Variants in SEMA3E observed in about 807,000 individuals in gnomAD.
SEMA3E encodes semaphorin-3E.
A neutral mutation model predicts 93.6 loss-of-function variants in SEMA3E; 49 were observed. The observed-to-expected ratio is 0.52, with a 90% CI of 0.42 to 0.66. The LOEUF is 0.66. Ranked by LOEUF, SEMA3E falls within the 30% of genes least tolerant of loss-of-function variation. The pLI, the probability that SEMA3E is intolerant of heterozygous loss-of-function variation, is 0.00. For synonymous variants in SEMA3E, 363 were observed against 330.7 expected, an observed-to-expected ratio of 1.10 and a Z score of -1.06; for missense variants, 906 against 964.8, an observed-to-expected ratio of 0.94 and a Z score of 0.81.
At chr7:83,458,390 A>G (rs1005981493) in intron 4 of SEMA3E, among the ~76,000 whole-genome samples, 7 of 151,986 alleles carry the variant, frequency 4.6e-5, no homozygotes, top group African/African-American at 1.7e-4. Flanking sequence ...CTGGAGATCA[A>G]TTAAGAATAG....
chr7:83,643,863 C>A (rs1311396475), intron 1 of SEMA3E, among the ~76,000 whole-genome samples: 7 of 151,968 alleles, frequency 4.6e-5, no homozygotes, highest in Non-Finnish European at 1.0e-4. Context: ...CCTATTTAAT[C>A]ACTCTGCTTA....
chr7:83,595,213 A>G (rs141465083), intron 1 of SEMA3E, among the ~76,000 whole-genome samples: 1 of 152,210 alleles, frequency 6.6e-6, no homozygotes, highest in East Asian at 1.9e-4. Context: ...AAATTGGTTT[A>G]TCTATTACTT....
intron 1 of SEMA3E, among the ~76,000 whole-genome samples, chr7:83,545,150 T>C (rs1281980096): frequency 6.6e-6 from 1 of 152,124 alleles, no homozygotes; most frequent in Non-Finnish European, 1.5e-5. Flanking sequence ...GATGTGATTT[T>C]ATTGTGCATT....
chr7:83,369,052 A>G (rs1471058401), intron 16 of SEMA3E, among the ~76,000 whole-genome samples: 1 of 152,158 alleles, frequency 6.6e-6, no homozygotes, highest in Non-Finnish European at 1.5e-5. Context: ...AGCTACCTCT[A>G]CCTTTCTACT....
At chr7:83,629,814 C>A (rs1419870165) in intron 1 of SEMA3E, among the ~76,000 whole-genome samples, 1 of 152,110 alleles carries the variant, frequency 6.6e-6, no homozygotes, top group Non-Finnish European at 1.5e-5. Flanking sequence ...GCCTCACTGG[C>A]GTTCCAGGCA....
intron 4 of SEMA3E, among the ~76,000 whole-genome samples, chr7:83,450,439 C>T (rs190651501): frequency 8.9e-4 from 135 of 151,938 alleles, no homozygotes; most frequent in Admixed American, 2.7e-3. Context: ...AACACATGAA[C>T]GAAAACTACA....
Position 83,415,338 on chromosome 7 carries a change from C to G in SEMA3E, c.550+3052G>C, listed in dbSNP as rs577329909. Among the ~76,000 whole-genome samples, 64 of 152,066 alleles carry G rather than the reference C, an allele frequency of 4.2e-4. 1 individual carries two copies. Among genetic ancestry groups the G allele is most frequent in the Admixed American group, 8.5e-4 (13 of 15,254 alleles). On this transcript the variant is annotated intron_variant, in intron 5 of 16. Coordinates refer to ENST00000643230, the MANE Select transcript of SEMA3E (RefSeq NM_012431.3). ...GGCCAAACATGCAGAAATATGGCAC[C>G]TGAGATATGAGCTGATATGCTACCA...
chr7:83,559,155 C>T (rs1166412828), intron 1 of SEMA3E, among the ~76,000 whole-genome samples: 1 of 152,034 alleles, frequency 6.6e-6, no homozygotes, highest in Non-Finnish European at 1.5e-5. Context: ...CAAATCTTTG[C>T]TAGGACAGTT....
chr7:83,548,549 T>G (rs1437485051), intron 1 of SEMA3E, among the ~76,000 whole-genome samples: 1 of 151,802 alleles, frequency 6.6e-6, no homozygotes, highest in African/African-American at 2.4e-5. Flanking sequence ...ATCTTTAGAG[T>G]CTTTTATATC....
At chr7:83,373,288 G>A (rs1373432845) in intron 16 of SEMA3E, among the ~76,000 whole-genome samples, 1 of 152,028 alleles carries the variant, frequency 6.6e-6, no homozygotes, top group Non-Finnish European at 1.5e-5. Flanking sequence ...TGATTTAGTT[G>A]AGAATACATT....
At chr7:83,523,274 C>T (rs1370048441) in intron 1 of SEMA3E, among the ~76,000 whole-genome samples, 1 of 152,020 alleles carries the variant, frequency 6.6e-6, no homozygotes, top group African/African-American at 2.4e-5. Context: ...GGAGACTGAA[C>T]AGTTTTTACT....
At position 83,554,893 on chromosome 7, in the gene SEMA3E, C is replaced by G. The variant is rs181545828; in HGVS notation, c.116-64619G>C. ...TAGGGAGGTAGAGGCAGGAGAATGG[C>G]GTGAACCCGGGAGGCGGAGCTTGCA... On this transcript the variant is annotated intron_variant, in intron 1 of 16. Coordinates refer to ENST00000643230, the MANE Select transcript of SEMA3E (RefSeq NM_012431.3). Among the ~76,000 whole-genome samples the G allele has an allele frequency of 3.7e-3, 569 of 152,042 alleles. 4 individuals carry two copies. Among genetic ancestry groups the G allele is most frequent in the African/African-American group, 0.013 (540 of 41,476 alleles).
At chr7:83,475,368 C>G (rs2115916398) in intron 2 of SEMA3E, among the ~76,000 whole-genome samples, 1 of 152,156 alleles carries the variant, frequency 6.6e-6, no homozygotes, top group Non-Finnish European at 1.5e-5. Context: ...TCCAGAATAT[C>G]TTTTCAAATA....
intron 5 of SEMA3E, among the ~76,000 whole-genome samples, chr7:83,410,911 T>C (rs1163446404): frequency 6.6e-6 from 1 of 152,120 alleles, no homozygotes; most frequent in Non-Finnish European, 1.5e-5. Flanking sequence ...TTCGCTACTG[T>C]GGGCTGGTCT....
In SEMA3E at chr7:83,418,479, G is replaced by C. The variant is rs766275559; in HGVS notation, c.461C>G (p.Pro154Arg). 1 of 1,609,010 alleles carries C rather than the reference G, an allele frequency of 6.2e-7. No individual in the cohort carries two copies. The highest frequency in any genetic ancestry group is 1.1e-5 in the South Asian group (1 of 90,244). ...TCTGGGTGATTCCAGGTGAAACAGA[G>C]GATCCTTGAAAGAAAACCAGAAAAA... ...FIRVGYHLED[P>R]LFHLESPRSE... Residue 154 changes from proline (P) to arginine (R), a missense_variant, in exon 5 of 17, where the codon CCT (proline) becomes CGT (arginine). Coordinates refer to ENST00000643230, the MANE Select transcript of SEMA3E (RefSeq NM_012431.3).
intron 1 of SEMA3E, among the ~76,000 whole-genome samples, chr7:83,509,068 G>A (rs760108896): frequency 3.3e-5 from 5 of 152,234 alleles, no homozygotes; most frequent in African/African-American, 9.6e-5. Context: ...CTAGTTACTC[G>A]TGTCATTAAA....
chr7:83,544,538 G>T (rs879763305), intron 1 of SEMA3E, among the ~76,000 whole-genome samples: 3 of 152,106 alleles, frequency 2.0e-5, no homozygotes, highest in African/African-American at 4.8e-5. Context: ...GACACTAAGT[G>T]CTCACATGTA....
intron 14 of SEMA3E, among the ~76,000 whole-genome samples, chr7:83,391,114 G>C (rs950905782): frequency 3.9e-5 from 6 of 151,960 alleles, no homozygotes; most frequent in Admixed American, 2.0e-4. Context: ...CCCATGGTAC[G>C]GCATGCTTGT....
intron 14 of SEMA3E, among the ~76,000 whole-genome samples, chr7:83,391,621 G>A (rs1321338865): frequency 1.3e-5 from 2 of 151,894 alleles, no homozygotes; most frequent in East Asian, 1.9e-4. Context: ...ATACTCACTG[G>A]AGTGTTAATT....
Sources: gnomAD v4.1 joint callset for allele counts (sites outside exome capture counted in the v4.1 genomes callset) on GRCh38, gnomAD v4.1.1 for gene constraint, MANE v1.5 for transcripts, NCBI Gene and HGNC (gene_info 2026-07-23, HGNC 2026-07-21) for gene names.